Variants in ELAVL4 observed in about 807,000 individuals in gnomAD.
ELAVL4 encodes ELAV-like protein 4.
ELAVL4 carries 1 observed loss-of-function variant against 35.6 expected under a neutral mutation model. That is an observed-to-expected ratio of 0.03 (90% CI 0.01 to 0.13). The LOEUF is 0.13. ELAVL4 is among the 10% of genes least tolerant of loss of function. The pLI is 1.00. For synonymous variants in ELAVL4, 156 were observed against 171.0 expected (o/e 0.91, Z 0.69); for missense variants, 267 against 464.9 (o/e 0.57, Z 3.91).
chr1:50,067,376 A>G (rs1406220333), intron 1 of ELAVL4, among the ~76,000 whole-genome samples: 2 of 152,210 alleles, frequency 1.3e-5, no homozygotes, highest in African/African-American at 4.8e-5. Context: ...TATTTATTCC[A>G]TTTAACAGGC....
chr1:50,106,533 A>C, upstream of ELAVL4: 2 of 634,646 alleles, frequency 3.2e-6, no homozygotes, highest in Non-Finnish European at 5.6e-6. Context: ...TGACTGGGAG[A>C]CTCGCCTGCC....
At chr1:50,064,129 C>A (rs1166521878) in intron 1 of ELAVL4, among the ~76,000 whole-genome samples, 1 of 152,126 alleles carries the variant, frequency 6.6e-6, no homozygotes, top group Non-Finnish European at 1.5e-5. Flanking sequence ...GCAGTCATTA[C>A]AATGTGTCTG....
At chr1:50,084,489 A>G (rs907034259) in intron 1 of ELAVL4, among the ~76,000 whole-genome samples, 2 of 152,092 alleles carry the variant, frequency 1.3e-5, no homozygotes, top group African/African-American at 4.8e-5. Flanking sequence ...CTGTGAACAC[A>G]GTTTTGACCC....
chr1:50,114,208 A>AT (rs1218840548), intron 1 of ELAVL4, among the ~76,000 whole-genome samples: 1 of 152,044 alleles, frequency 6.6e-6, no homozygotes, highest in Non-Finnish European at 1.5e-5. Context: ...AAATGTGTGT[A>AT]TGTGAGTGTA....
rs1644381020 is a variant in ELAVL4, at chr1:50,201,254, C to G, written c.*76C>G. 7.0e-7 allele frequency: 1 copy of G among 1,428,346 alleles called. No homozygotes were observed. Among genetic ancestry groups the G allele is most frequent in the African/African-American group, 1.4e-5 (1 of 69,096 alleles). The allele number at this position is 1,428,346 out of a possible 1,614,324, so 88.5% of individuals were successfully genotyped here. ...ACACACGCGCGCACACACACACATACACGAAAGAGAGAGAAACAAACTTTT... is the reference window on the plus strand; with the variant it reads ...ACACACGCGCGCACACACACACATAGACGAAAGAGAGAGAAACAAACTTTT... On this transcript the variant is annotated 3_prime_UTR_variant, in exon 7 of 7. Coordinates refer to ENST00000371824, the MANE Select transcript of ELAVL4 (RefSeq NM_001144774.3). The surrounding 1 kb of genome is among the most constrained non-coding windows in gnomAD (Gnocchi z 4.3).
At chr1:50,051,408 G>A (rs562409923) in intron 1 of ELAVL4, among the ~76,000 whole-genome samples, 1 of 152,302 alleles carries the variant, frequency 6.6e-6, no homozygotes, top group South Asian at 2.1e-4. Flanking sequence ...GATAAGACAT[G>A]AGAAATCAGT....
intron 2 of ELAVL4, among the ~76,000 whole-genome samples, chr1:50,157,956 G>A (rs1029801255): frequency 3.3e-5 from 5 of 152,138 alleles, no homozygotes; most frequent in Admixed American, 6.6e-5. Flanking sequence ...GAATATTTTA[G>A]GCCTAAGCTA....
chr1:50,063,887 A>G (rs74736659), intron 1 of ELAVL4, among the ~76,000 whole-genome samples: 2,520 of 152,152 alleles, frequency 0.017, 78 homozygotes, highest in African/African-American at 0.058. Context: ...CTCTTTCCTC[A>G]TGTATGGTCT....
At chr1:50,184,398 CAA>C (rs33990892) in intron 3 of ELAVL4, among the ~76,000 whole-genome samples, 13 of 141,916 alleles carry the variant, frequency 9.2e-5, no homozygotes, top group Non-Finnish European at 1.1e-4. Context: ...TGAGCTGCTT[CAA>C]AAAAAAAAAA....
intron 1 of ELAVL4, among the ~76,000 whole-genome samples, chr1:50,070,207 T>C (rs1307608027): frequency 6.6e-6 from 1 of 152,226 alleles, no homozygotes; most frequent in African/African-American, 2.4e-5. Flanking sequence ...TGGATAGCAG[T>C]TCTTGGGACA....
upstream of ELAVL4, among the ~76,000 whole-genome samples, chr1:50,103,330 A>G (rs565317078): frequency 9.2e-5 from 14 of 152,272 alleles, no homozygotes; most frequent in African/African-American, 3.4e-4. Context: ...TTCGACAGTG[A>G]ATTTCTGATA....
chr1:50,135,565 A>G (rs1671747334), intron 1 of ELAVL4, among the ~76,000 whole-genome samples: 1 of 152,084 alleles, frequency 6.6e-6, no homozygotes, highest in South Asian at 2.1e-4. Context: ...TTGTTTTCCC[A>G]CCTTCTAGAA....
intron 1 of ELAVL4, among the ~76,000 whole-genome samples, chr1:50,113,218 GTCT>G (rs577001948): frequency 3.8e-4 from 56 of 147,128 alleles, no homozygotes; most frequent in African/African-American, 1.5e-3. Context: ...CTCAGAGTAA[GTCT>G]TTTTTTTTTT....
chr1:50,157,426 C>T (rs1195121488), intron 2 of ELAVL4, among the ~76,000 whole-genome samples: 2 of 152,108 alleles, frequency 1.3e-5, no homozygotes, highest in African/African-American at 2.4e-5. Flanking sequence ...ACCCTTAAAC[C>T]CCCTGTGATA....
intron 1 of ELAVL4, among the ~76,000 whole-genome samples, chr1:50,119,072 GAAAGAAAGAAAGAAAGAAAGAA>G (rs1332549214): frequency 2.0e-4 from 27 of 136,438 alleles, no homozygotes; most frequent in East Asian, 4.6e-4. Flanking sequence ...AAGAAAGAAA[GAAAGAAAGAAAGAAAGAAAGAA>G]AAAGAAAAAG....
chr1:50,127,248 T>C (rs1031395264), intron 1 of ELAVL4, among the ~76,000 whole-genome samples: 14 of 152,014 alleles, frequency 9.2e-5, no homozygotes, highest in African/African-American at 2.7e-4. Flanking sequence ...CCCCATGTAC[T>C]GCCTGCTGGG....
At chr1:50,070,675 A>G (rs1326814521) in intron 1 of ELAVL4, among the ~76,000 whole-genome samples, 1 of 133,322 alleles carries the variant, frequency 7.5e-6, no homozygotes, top group African/African-American at 2.8e-5. Flanking sequence ...CAGGAGGCGG[A>G]GGTTGCAGTG....
intron 2 of ELAVL4, among the ~76,000 whole-genome samples, chr1:50,161,646 T>C (rs1225834682): frequency 1.3e-5 from 2 of 152,242 alleles, no homozygotes; most frequent in Non-Finnish European, 2.9e-5. Flanking sequence ...TTTGGAGCAA[T>C]TTATTTTATA....
At chr1:50,101,475 A>G (rs1665974883), upstream of ELAVL4, among the ~76,000 whole-genome samples, 1 of 152,246 alleles carries the variant, frequency 6.6e-6, no homozygotes, top group South Asian at 2.1e-4. Context: ...AAATCTTTTT[A>G]AGAAAATTTT....
Sources: gnomAD v4.1 joint callset for allele counts (sites outside exome capture counted in the v4.1 genomes callset) on GRCh38, gnomAD v4.1.1 for gene constraint, Gnocchi (gnomAD v3.1) non-coding constraint, MANE v1.5 for transcripts, NCBI Gene and HGNC (gene_info 2026-07-23, HGNC 2026-07-21) for gene names.